The following USP33 variants were observed in gnomAD, a reference collection of about 807,000 sequenced individuals.
The protein encoded by USP33 is ubiquitin carboxyl-terminal hydrolase 33.
USP33 carries 46 observed loss-of-function variants against 124.2 expected under a neutral mutation model. The observed-to-expected ratio is 0.37, with a 90% CI of 0.29 to 0.47. The LOEUF (loss-of-function observed/expected upper bound fraction) is 0.47. Among genes scored for constraint, USP33 ranks in the 20% least tolerant of loss-of-function variants. USP33 has a pLI of 0.99. For synonymous variants in USP33, 350 were observed against 352.3 expected (o/e 0.99, Z 0.07); for missense variants, 851 against 1,070.6 (o/e 0.79, Z 2.86).
At chr1:77,733,178 G>A (rs539416918) in intron 7 of USP33, among the ~76,000 whole-genome samples, 10 of 152,188 alleles carry the variant, frequency 6.6e-5, no homozygotes, top group Non-Finnish European at 1.3e-4. Flanking sequence ...CGAATCACTT[G>A]AACCCAGGAG....
rs759012381 is a variant in USP33 at position 77,717,819 on chromosome 1, T to G, written c.1918+48A>C. 32 of 1,476,460 alleles carry G rather than the reference T, an allele frequency of 2.2e-5. No homozygotes were observed. The East Asian group carries it at 7.0e-4, about 32-fold the overall frequency. 91.5% of individuals were successfully genotyped at this position (1,476,460 alleles called of 1,614,324 possible). On this transcript the variant is annotated intron_variant, in intron 17 of 23. Coordinates refer to ENST00000370794, the MANE Select transcript of USP33 (RefSeq NM_201624.3). ...ATGAGCCACCACGCCCAGGCTTATT[T>G]TAATTTTTTTTTAAATCTAGGAACA...
intron 1 of USP33, among the ~76,000 whole-genome samples, chr1:77,753,868 A>T (rs1680567391): frequency 6.6e-6 from 1 of 150,782 alleles, no homozygotes; most frequent in African/African-American, 2.4e-5. Flanking sequence ...GTATATATAA[A>T]ATACTTAGAA....
intron 22 of USP33, among the ~76,000 whole-genome samples, chr1:77,699,241 C>T (rs1247136589): frequency 6.6e-6 from 1 of 152,166 alleles, no homozygotes. Flanking sequence ...AAGAAACAGG[C>T]TGGGCCCAGT....
chr1:77,710,007 C>T (rs139501398), intron 21 of USP33, among the ~76,000 whole-genome samples: 149 of 152,152 alleles, frequency 9.8e-4, no homozygotes, highest in African/African-American at 3.5e-3. Flanking sequence ...TTCTCCTTTT[C>T]CATATTTGAA....
At chr1:77,708,735 A>G (rs1026368372) in intron 21 of USP33, among the ~76,000 whole-genome samples, 2 of 151,994 alleles carry the variant, frequency 1.3e-5, no homozygotes, top group Non-Finnish European at 2.9e-5. Flanking sequence ...ATGTCCCTCA[A>G]TTAGGGTTTG....
At chr1:77,711,597 T>A in intron 21 of USP33, 150 bp downstream of exon 21, 1 of 1,253,646 alleles carries the variant, frequency 8.0e-7, no homozygotes, top group Non-Finnish European at 1.1e-6. Flanking sequence ...TGTAGTGAAC[T>A]GCCTGAGGTC....
intron 1 of USP33, among the ~76,000 whole-genome samples, chr1:77,750,849 C>T (rs1437611443): frequency 1.4e-5 from 2 of 139,728 alleles, no homozygotes; most frequent in African/African-American, 5.4e-5. Flanking sequence ...TTCTTTTATT[C>T]CTTTATTTGA....
intron 20 of USP33, among the ~76,000 whole-genome samples, chr1:77,712,085 CA>C (rs1675325616): frequency 6.6e-6 from 1 of 152,020 alleles, no homozygotes; most frequent in Non-Finnish European, 1.5e-5. Context: ...ATTTCTGCTC[CA>C]AAATGTTAGA....
At chr1:77,719,374 A>G (rs1423465279) in intron 15 of USP33, among the ~76,000 whole-genome samples, 2 of 152,190 alleles carry the variant, frequency 1.3e-5, no homozygotes, top group Non-Finnish European at 2.9e-5. Flanking sequence ...TAACAATAGT[A>G]ATTTAAACCA....
intron 1 of USP33, among the ~76,000 whole-genome samples, chr1:77,750,663 A>AGAAAGGAAG (rs1553201900): frequency 6.7e-6 from 1 of 150,166 alleles, no homozygotes; most frequent in East Asian, 2.0e-4. Context: ...AAAGAAAGAA[A>AGAAAGGAAG]GAAAGAAAGA....
intron 4 of USP33, among the ~76,000 whole-genome samples, chr1:77,740,431 G>A (rs1025918313): frequency 6.6e-6 from 1 of 150,476 alleles, no homozygotes; most frequent in South Asian, 2.1e-4. Flanking sequence ...TCGGCTCACT[G>A]CAACCTCCGC....
At position 77,702,272 on chromosome 1, in the gene USP33, AG is replaced by A. The variant is rs568118404; in HGVS notation, c.2407-802del. ...CTAGGTTCTGTCTCAAAATTTAACAAGTATACATAAAAGGGGCATAAAGACT... is the reference window on the plus strand; with the variant it reads ...CTAGGTTCTGTCTCAAAATTTAACAATATACATAAAAGGGGCATAAAGACT... On this transcript the variant is annotated intron_variant, in intron 21 of 23. Coordinates refer to ENST00000370794, the MANE Select transcript of USP33 (RefSeq NM_201624.3). Among the ~76,000 whole-genome samples, 212 of 152,036 alleles carry A rather than the reference AG, an allele frequency of 1.4e-3. 1 individual carries two copies. The highest frequency in any genetic ancestry group is 7.9e-3 in the Admixed American group (120 of 15,236).
intron 16 of USP33, 95 bp from the exon 17 acceptor site, chr1:77,718,142 A>C (rs1446131744): frequency 4.7e-6 from 5 of 1,064,372 alleles, no homozygotes; most frequent in Non-Finnish European, 5.4e-6. Flanking sequence ...TTCAACAAGC[A>C]AGAAACTGAG....
chr1:77,744,598 C>T (rs893780758), intron 1 of USP33, among the ~76,000 whole-genome samples: 1 of 152,182 alleles, frequency 6.6e-6, no homozygotes, highest in African/African-American at 2.4e-5. Flanking sequence ...AATCCCAGCA[C>T]TTCGGGAGGC....
chr1:77,739,194 A>T, intron 5 of USP33, 71 bp downstream of exon 5: 1 of 1,525,524 alleles, frequency 6.6e-7, no homozygotes, highest in Non-Finnish European at 8.8e-7. Context: ...TGAAAATTTC[A>T]GCTACATGAC....
intron 4 of USP33, among the ~76,000 whole-genome samples, chr1:77,739,758 A>G (rs756872957): frequency 2.6e-5 from 4 of 152,262 alleles, no homozygotes; most frequent in Admixed American, 1.3e-4. Flanking sequence ...CTAAGAAATC[A>G]GAATGGCAAA....
intron 23 of USP33, 115 bp from the exon 24 acceptor site, chr1:77,697,589 C>G: frequency 8.1e-7 from 1 of 1,238,470 alleles, no homozygotes; most frequent in Non-Finnish European, 1.1e-6. Flanking sequence ...ACTTCTGGAA[C>G]ATGAATCTGC....
chr1:77,743,393 AAAATC>A lies in USP33; in HGVS notation c.-51-1650_-51-1646del, dbSNP rs1161547806. On this transcript the variant is annotated intron_variant, in intron 1 of 23. Transcript: ENST00000370794. ...TACATTTTTTTAAGAAAAGTTGAAC[AAAATC>A]AAATCAAATAATCAATTCACTATTA... Among the ~76,000 whole-genome samples the A allele has an allele frequency of 4.6e-5, 7 of 152,222 alleles. No homozygotes were observed. In the East Asian group the frequency reaches 1.3e-3, roughly 29 times the overall value.
At position 77,741,428 on chromosome 1, in the gene USP33, C is replaced by A. The variant is rs1679102166; in HGVS notation, c.83G>T (p.Gly28Val). Residue 28 changes from glycine to valine, a missense_variant and splice_region_variant, in exon 3 of 24, where the codon GGT (glycine) becomes GTT (valine). Transcript: ENST00000370794. ...TKEDLIQKSL[G>V]TCQDCKVQGP... ...TTGGACTTTACAATCCTGACAAGTACCCTATAAAAAGAAATTAAAAAGACA... is the reference window on the plus strand; with the variant it reads ...TTGGACTTTACAATCCTGACAAGTAACCTATAAAAAGAAATTAAAAAGACA... 1.2e-6 allele frequency: 2 copies of A among 1,608,032 alleles called. No homozygotes were observed. The highest frequency in any genetic ancestry group is 1.7e-6 in the Non-Finnish European group (2 of 1,178,484).
Sources: gnomAD v4.1 joint callset for allele counts (sites outside exome capture counted in the v4.1 genomes callset) on GRCh38, gnomAD v4.1.1 for gene constraint, MANE v1.5 for transcripts, NCBI Gene and HGNC (gene_info 2026-07-23, HGNC 2026-07-21) for gene names.